RNF141: variants seen among roughly 807,000 people sequenced by gnomAD.
RNF141 encodes C3HC4-like zinc finger protein.
A neutral mutation model predicts 27.4 loss-of-function variants in RNF141; 18 were observed. The observed-to-expected ratio is 0.66, with a 90% CI of 0.45 to 0.97. The LOEUF is 0.97. Ranked by LOEUF, RNF141 falls within the 50% of genes least tolerant of loss-of-function variation. RNF141 has a pLI of 0.00. For missense variants in RNF141, 230 were observed against 279.4 expected (o/e 0.82, Z 1.26); for synonymous variants, 97 against 96.6 (o/e 1.00, Z -0.02).
chr11:10,521,297 A>G (rs1356869758), intron 4 of RNF141, among the ~76,000 whole-genome samples: 3 of 152,244 alleles, frequency 2.0e-5, no homozygotes, highest in Non-Finnish European at 4.4e-5. Context: ...AATATTGCAT[A>G]TTGATTGGCT....
intron 4 of RNF141, among the ~76,000 whole-genome samples, chr11:10,524,400 C>A (rs1317015473): frequency 6.7e-6 from 1 of 149,868 alleles, no homozygotes; most frequent in Non-Finnish European, 1.5e-5. Context: ...GACTCCGCCT[C>A]AATTAAAAAA....
chr11:10,515,908 TAAATA>T (rs796532656), intron 5 of RNF141: 4 of 152,320 alleles, frequency 2.6e-5, no homozygotes, highest in African/African-American at 9.6e-5. Context: ...TATGATCACT[TAAATA>T]AGATTATGTT....
chr11:10,535,978 T>C (rs893684714), intron 1 of RNF141, among the ~76,000 whole-genome samples: 1 of 152,186 alleles, frequency 6.6e-6, no homozygotes, highest in Non-Finnish European at 1.5e-5. Context: ...GGTGCTTATG[T>C]TCTGGAGATA....
chr11:10,532,042 T>C (rs1283754367), intron 2 of RNF141: 3 of 449,196 alleles, frequency 6.7e-6, no homozygotes, highest in Non-Finnish European at 8.9e-6. Flanking sequence ...AAGACCTCTG[T>C]ATCACACAGT....
At chr11:10,521,022 G>A (rs1201575009) in intron 4 of RNF141, among the ~76,000 whole-genome samples, 1 of 152,220 alleles carries the variant, frequency 6.6e-6, no homozygotes, top group Non-Finnish European at 1.5e-5. Context: ...AGTATCAGGT[G>A]CTGTGAGAGA....
At position 10,531,486 on chromosome 11, in the gene RNF141, C is replaced by T. The variant is rs147912658; in HGVS notation, c.144-735G>A. On this transcript the variant is annotated intron_variant, in intron 2 of 5. Transcript: ENST00000265981. The stretch of plus-strand genomic sequence containing the variant: ...GCTCTTGGTTCAGTCCTTGTTCAAA[C>T]AATGATACTAACAAACCTCTTGAAA... Among the ~76,000 whole-genome samples, 13 of 151,802 alleles carry T rather than the reference C, an allele frequency of 8.6e-5. No homozygotes were observed. In the East Asian group the frequency reaches 1.9e-3, roughly 23 times the overall value.
At chr11:10,533,411 T>G (rs1850006437) in intron 2 of RNF141, among the ~76,000 whole-genome samples, 2 of 151,896 alleles carry the variant, frequency 1.3e-5, no homozygotes, top group South Asian at 4.2e-4. Context: ...GTCAAAGAGT[T>G]AAGTAGAAAT....
At chr11:10,537,981 G>A (rs990837860) in intron 1 of RNF141, among the ~76,000 whole-genome samples, 1 of 152,124 alleles carries the variant, frequency 6.6e-6, no homozygotes. Context: ...TTTTCAATGT[G>A]CTTTTAACTC....
chr11:10,527,316 CAG>C (rs1382232626), intron 3 of RNF141, among the ~76,000 whole-genome samples: 1 of 152,080 alleles, frequency 6.6e-6, no homozygotes, highest in African/African-American at 2.4e-5. Flanking sequence ...GAAGATGAAA[CAG>C]GGGAGAAGGA....
intron 1 of RNF141, among the ~76,000 whole-genome samples, chr11:10,537,034 A>G (rs1321992746): frequency 6.6e-6 from 1 of 152,242 alleles, no homozygotes; most frequent in Non-Finnish European, 1.5e-5. Flanking sequence ...ATGAAGCAAT[A>G]TAAGTTTGTT....
At chr11:10,521,159 G>A (rs949231287) in intron 4 of RNF141, among the ~76,000 whole-genome samples, 1 of 152,178 alleles carries the variant, frequency 6.6e-6, no homozygotes, top group Non-Finnish European at 1.5e-5. Context: ...ATATACCTTT[G>A]CAGATGGTAT....
At chr11:10,524,298 C>T (rs921051582) in intron 4 of RNF141, among the ~76,000 whole-genome samples, 1 of 152,098 alleles carries the variant, frequency 6.6e-6, no homozygotes, top group Non-Finnish European at 1.5e-5. Flanking sequence ...GCCTGTAGTC[C>T]CAGCTACTTG....
At chr11:10,532,228 A>T (rs1849993260) in intron 2 of RNF141, among the ~76,000 whole-genome samples, 1 of 152,180 alleles carries the variant, frequency 6.6e-6, no homozygotes, top group Non-Finnish European at 1.5e-5. Context: ...TAAACATAAC[A>T]AAGCATTCCA....
chr11:10,535,676 T>C (rs1361694623), intron 1 of RNF141, among the ~76,000 whole-genome samples: 3 of 152,058 alleles, frequency 2.0e-5, no homozygotes, highest in African/African-American at 7.2e-5. Flanking sequence ...GCAAGGACAG[T>C]TTCCAAAAAT....
intron 4 of RNF141, among the ~76,000 whole-genome samples, chr11:10,522,368 G>A (rs1372297001): frequency 6.6e-6 from 1 of 152,200 alleles, no homozygotes; most frequent in Non-Finnish European, 1.5e-5. Flanking sequence ...ATAGCCAGTG[G>A]AACCAGTACA....
chr11:10,514,933 G>C lies in RNF141; in HGVS notation c.676C>G (p.Gln226Glu), dbSNP rs775814571. The C allele has an allele frequency of 4.3e-6, 7 of 1,612,914 alleles. No individual in the cohort carries two copies. The highest frequency in any genetic ancestry group is 3.4e-6 in the Non-Finnish European group (4 of 1,179,578). Residue 226 changes from glutamine to glutamate, a missense_variant, in exon 6 of 6, where the codon CAG becomes GAG. Coordinates refer to ENST00000265981, the MANE Select transcript of RNF141 (RefSeq NM_016422.4). ...YILNMADEAGQPHRP is the reference protein window; with the variant it reads ...YILNMADEAGEPHRP ...CTTCAAGGTCATGGCCTGTGGGGCT[G>C]GCCTGCCTCATCAGCCATGTTAAGA...
chr11:10,526,916 A>G (rs1849941330), intron 3 of RNF141, among the ~76,000 whole-genome samples: 1 of 152,232 alleles, frequency 6.6e-6, no homozygotes, highest in Admixed American at 6.5e-5. Flanking sequence ...TCTTTGTACT[A>G]AAAGACTGTA....
intron 1 of RNF141, among the ~76,000 whole-genome samples, chr11:10,538,740 C>A (rs1230039573): frequency 6.6e-6 from 1 of 152,138 alleles, no homozygotes; most frequent in Non-Finnish European, 1.5e-5. Context: ...TCTATTAGTA[C>A]TAGGTTGGAG....
chr11:10,534,574 T>G (rs1850017514), intron 1 of RNF141, among the ~76,000 whole-genome samples: 1 of 152,160 alleles, frequency 6.6e-6, no homozygotes, highest in Admixed American at 6.5e-5. Context: ...ATTTCCTGAC[T>G]GCTTACCACA....
Sources: gnomAD v4.1 joint callset for allele counts (sites outside exome capture counted in the v4.1 genomes callset) on GRCh38, gnomAD v4.1.1 for gene constraint, MANE v1.5 for transcripts, NCBI Gene and HGNC (gene_info 2026-07-23, HGNC 2026-07-21) for gene names.